The following PPM1D variants were observed in gnomAD, a reference collection of about 807,000 sequenced individuals.
PPM1D encodes protein phosphatase, Mg2+/Mn2+ dependent 1D, also known as protein phosphatase 1D.
A neutral mutation model predicts 58.3 loss-of-function variants in PPM1D; 52 were observed. That is an observed-to-expected ratio of 0.89 (90% CI 0.71 to 1.12). The LOEUF is 1.12. PPM1D is among the 50% of genes most tolerant of loss of function. The probability of loss-of-function intolerance (pLI) is 0.00; values close to 1 mark genes in which losing one functional copy is unlikely to be tolerated. For synonymous variants in PPM1D, 278 were observed against 285.1 expected (o/e 0.98, Z 0.25); for missense variants, 564 against 777.2 (o/e 0.73, Z 3.26).
chr17:60,628,298 C>T (rs1031985516), intron 2 of PPM1D, among the ~76,000 whole-genome samples: 1 of 152,188 alleles, frequency 6.6e-6, no homozygotes, highest in Admixed American at 6.5e-5. Context: ...CCAGGCTTCC[C>T]CACTATCCTT....
At chr17:60,643,007 C>T (rs776837049) in intron 3 of PPM1D, among the ~76,000 whole-genome samples, 10 of 150,432 alleles carry the variant, frequency 6.6e-5, no homozygotes, top group Non-Finnish European at 1.0e-4. Context: ...GGCGAGATCA[C>T]GCCACTGCAC....
chr17:60,614,861 G>A (rs985105888), intron 1 of PPM1D, among the ~76,000 whole-genome samples: 1 of 152,046 alleles, frequency 6.6e-6, no homozygotes, highest in African/African-American at 2.4e-5. Context: ...GAACACATCC[G>A]AACATCAGAA....
intron 4 of PPM1D, 91 bp downstream of exon 4, chr17:60,648,173 C>A: frequency 2.2e-6 from 3 of 1,391,334 alleles, no homozygotes; most frequent in Non-Finnish European, 2.9e-6. Context: ...GGACATTGAC[C>A]TTGGGTAGAT....
At position 60,600,221 on chromosome 17, in the gene PPM1D, C is replaced by T; in HGVS notation, c.-194C>T. On this transcript the variant is annotated 5_prime_UTR_variant, in exon 1 of 6. Transcript: ENST00000305921. ...GCGCAGGCGCAACTGCCTGGCTCTG[C>T]TCGCTCCGGCGCTCCGGCCCAGCTC... The T allele has an allele frequency of 8.7e-7, 1 of 1,154,936 alleles. No individual in the cohort carries two copies. The highest frequency in any genetic ancestry group is 1.6e-5 in the African/African-American group (1 of 61,864). The allele number at this position is 1,154,936 out of a possible 1,614,324, so 71.5% of individuals were successfully genotyped here.
intron 5 of PPM1D, among the ~76,000 whole-genome samples, chr17:60,661,036 A>G (rs189762502): frequency 6.6e-6 from 1 of 151,834 alleles, no homozygotes; most frequent in Non-Finnish European, 1.5e-5. Flanking sequence ...CAACATGGAG[A>G]AACCCTGTCT....
chr17:60,640,827 CT>C (rs1385346019), intron 3 of PPM1D, among the ~76,000 whole-genome samples: 3 of 150,758 alleles, frequency 2.0e-5, no homozygotes. Flanking sequence ...TTGGAAATTT[CT>C]TTTATTTAGA....
intron 3 of PPM1D, among the ~76,000 whole-genome samples, chr17:60,639,797 A>G (rs147530942): frequency 8.8e-4 from 134 of 152,340 alleles, no homozygotes; most frequent in African/African-American, 3.1e-3. Flanking sequence ...TCACTTAACC[A>G]GAGAGGCCAG....
chr17:60,634,862 C>T (rs1266171238), intron 3 of PPM1D, among the ~76,000 whole-genome samples: 1 of 152,144 alleles, frequency 6.6e-6, no homozygotes, highest in Non-Finnish European at 1.5e-5. Context: ...CTCACTGCAA[C>T]CTCTACCTCC....
chr17:60,602,848 AT>A (rs919890262), intron 1 of PPM1D, among the ~76,000 whole-genome samples: 5 of 150,328 alleles, frequency 3.3e-5, no homozygotes, highest in Admixed American at 6.7e-5. Flanking sequence ...GAAGGTTTAA[AT>A]TTTTTTTTCA....
chr17:60,609,919 C>T (rs533536980), intron 1 of PPM1D, among the ~76,000 whole-genome samples: 3 of 152,232 alleles, frequency 2.0e-5, no homozygotes, highest in South Asian at 2.1e-4. Flanking sequence ...CGGTGGCTCA[C>T]GCCTGTAATC....
At chr17:60,654,218 C>T (rs1400232332) in intron 4 of PPM1D, among the ~76,000 whole-genome samples, 1 of 150,248 alleles carries the variant, frequency 6.7e-6, no homozygotes, top group Non-Finnish European at 1.5e-5. Flanking sequence ...GGGTTTTTAT[C>T]ATAAAGTGAT....
At chr17:60,638,796 G>A (rs945952234) in intron 3 of PPM1D, among the ~76,000 whole-genome samples, 6 of 152,032 alleles carry the variant, frequency 3.9e-5, no homozygotes, top group Non-Finnish European at 5.9e-5. Context: ...TATGGTTTAC[G>A]GCCATTTTTC....
At chr17:60,649,633 G>T (rs1369360838) in intron 4 of PPM1D, among the ~76,000 whole-genome samples, 1 of 151,770 alleles carries the variant, frequency 6.6e-6, no homozygotes, top group East Asian at 1.9e-4. Flanking sequence ...AGGTCGCAGT[G>T]AGCCAAGATC....
chr17:60,648,311 T>G (rs1598411047), intron 4 of PPM1D, among the ~76,000 whole-genome samples: 2 of 151,814 alleles, frequency 1.3e-5, no homozygotes, highest in East Asian at 3.8e-4. Flanking sequence ...GACTTCAGTA[T>G]AAATTGGCCT....
chr17:60,629,780 A>G (rs879459547), intron 2 of PPM1D, among the ~76,000 whole-genome samples: 4 of 152,160 alleles, frequency 2.6e-5, no homozygotes, highest in Non-Finnish European at 5.9e-5. Context: ...GCTTACGCTT[A>G]TAATCCCAGC....
At chr17:60,604,841 C>T (rs909890017) in intron 1 of PPM1D, 16 of 152,138 alleles carry the variant, frequency 1.1e-4, no homozygotes, top group African/African-American at 3.1e-4. Context: ...TTTTTTGAGA[C>T]GGAGTCTCAC....
intron 1 of PPM1D, among the ~76,000 whole-genome samples, chr17:60,614,806 C>G (rs759722617): frequency 4.6e-5 from 7 of 152,140 alleles, no homozygotes; most frequent in Admixed American, 6.5e-5. Context: ...CAGCTTCATT[C>G]CTGAAGCCAG....
intron 3 of PPM1D, among the ~76,000 whole-genome samples, chr17:60,644,519 A>G (rs2031198565): frequency 6.6e-6 from 1 of 152,202 alleles, no homozygotes; most frequent in Admixed American, 6.5e-5. Flanking sequence ...ACTTTATATT[A>G]TACAGTGCTA....
intron 5 of PPM1D, chr17:60,657,174 T>A: frequency 1.0e-6 from 1 of 990,298 alleles, no homozygotes. Context: ...GTAGAGCTAA[T>A]GTTATTATTT....
Sources: allele counts gnomAD v4.1 joint callset (sites outside exome capture counted in the v4.1 genomes callset), GRCh38; gene constraint gnomAD v4.1.1; transcripts MANE v1.5; gene names NCBI Gene and HGNC (gene_info 2026-07-23, HGNC 2026-07-21).